The following ST7 variants were observed in gnomAD, a reference collection of about 807,000 sequenced individuals.
The protein encoded by ST7 is suppressor of tumorigenicity 7 protein.
ST7 carries 28 observed loss-of-function variants against 78.7 expected under a neutral mutation model. That is an observed-to-expected ratio of 0.36 (90% CI 0.26 to 0.49). The LOEUF is 0.49. Among genes scored for constraint, ST7 ranks in the 20% least tolerant of loss-of-function variants. The probability of loss-of-function intolerance (pLI) is 0.99; values close to 1 mark genes in which losing one functional copy is unlikely to be tolerated. For missense variants in ST7, 418 were observed against 696.0 expected (o/e 0.60, Z 4.49); for synonymous variants, 247 against 249.6 (o/e 0.99, Z 0.10).
chr7:117,128,714 T>G (rs560351570), intron 3 of ST7, among the ~76,000 whole-genome samples: 3 of 152,016 alleles, frequency 2.0e-5, no homozygotes, highest in Non-Finnish European at 2.9e-5. Context: ...ATTGATGGTT[T>G]ACTTATTTCC....
chr7:117,160,653 G>GTATATATATATA (rs1554443282), intron 9 of ST7, among the ~76,000 whole-genome samples: 8 of 147,620 alleles, frequency 5.4e-5, no homozygotes, highest in African/African-American at 2.0e-4. Flanking sequence ...GTGTGTGTGT[G>GTATATATATATA]TATATATATA....
intron 9 of ST7, among the ~76,000 whole-genome samples, chr7:117,161,476 T>A (rs1261654060): frequency 6.6e-6 from 1 of 151,906 alleles, no homozygotes; most frequent in African/African-American, 2.4e-5. Flanking sequence ...CTTCTTTTCT[T>A]ACAAGAAATA....
At chr7:117,136,584 G>T (rs1804808406) in intron 8 of ST7, 2 of 460,430 alleles carry the variant, frequency 4.3e-6, no homozygotes, top group Admixed American at 7.9e-5. Context: ...TGGGAAACAG[G>T]ATTTAAATTA....
chr7:117,090,646 C>T (rs563686515), intron 1 of ST7: 2 of 164,290 alleles, frequency 1.2e-5, no homozygotes, highest in African/African-American at 2.4e-5. Flanking sequence ...TTATGAGAAA[C>T]AGACAAACTT....
intron 2 of ST7, among the ~76,000 whole-genome samples, chr7:117,106,038 C>T: frequency 6.6e-6 from 1 of 151,852 alleles, no homozygotes; most frequent in Non-Finnish European, 1.5e-5. Flanking sequence ...GTCGCCCAGG[C>T]CAGACTGCGG....
chr7:117,059,327 C>T (rs1049489544), intron 1 of ST7, among the ~76,000 whole-genome samples: 13 of 152,004 alleles, frequency 8.6e-5, no homozygotes, highest in Non-Finnish European at 1.8e-4. Context: ...CTACTATGTA[C>T]CCACAAAAAT....
intron 9 of ST7, among the ~76,000 whole-genome samples, chr7:117,138,901 A>C (rs1218546533): frequency 6.6e-6 from 1 of 152,200 alleles, no homozygotes; most frequent in East Asian, 1.9e-4. Flanking sequence ...GCTGGAAGCC[A>C]ATAATGAGAC....
chr7:117,095,767 A>G (rs1800982650), intron 1 of ST7, among the ~76,000 whole-genome samples: 1 of 152,112 alleles, frequency 6.6e-6, no homozygotes, highest in African/African-American at 2.4e-5. Context: ...TGATGTGTCT[A>G]TAGAATATCA....
chr7:117,104,154 G>A (rs896309751), intron 2 of ST7, among the ~76,000 whole-genome samples: 9 of 152,024 alleles, frequency 5.9e-5, no homozygotes, highest in Non-Finnish European at 1.3e-4. Context: ...TAAGAAGAAA[G>A]GGTGTGGTAG....
intron 10 of ST7, among the ~76,000 whole-genome samples, chr7:117,186,672 C>T (rs1317001580): frequency 6.6e-6 from 1 of 152,148 alleles, no homozygotes; most frequent in Non-Finnish European, 1.5e-5. Flanking sequence ...CATAGAAATG[C>T]TTTTAAAAAT....
chr7:117,031,255 C>T (rs1432104912), intron 1 of ST7, among the ~76,000 whole-genome samples: 1 of 151,592 alleles, frequency 6.6e-6, no homozygotes, highest in Admixed American at 6.6e-5. Flanking sequence ...GGGTACTGCG[C>T]TTATTACTGA....
At chr7:117,104,348 C>G (rs1801794106) in intron 2 of ST7, among the ~76,000 whole-genome samples, 1 of 152,086 alleles carries the variant, frequency 6.6e-6, no homozygotes, top group African/African-American at 2.4e-5. Context: ...GCTGAGGCAG[C>G]AGAATCACTT....
At chr7:116,989,485 C>A (rs1794330664) in intron 1 of ST7, among the ~76,000 whole-genome samples, 1 of 151,868 alleles carries the variant, frequency 6.6e-6, no homozygotes, top group Admixed American at 6.6e-5. Context: ...TGTTCTTATT[C>A]CAAGGATATA....
In ST7 at chr7:117,219,146, A is replaced by G; in HGVS notation, c.1468A>G (p.Thr490Ala). 1 of 1,613,408 alleles carries G rather than the reference A, an allele frequency of 6.2e-7. No individual in the cohort carries two copies. The highest frequency in any genetic ancestry group is 8.5e-7 in the Non-Finnish European group (1 of 1,179,758). ...CCTATTTTATCCTTACCCAATCTGT[A>G]CAGAAACAGCAGACCGAGAGCTGCT... ...GHLFYPYPIC[T>A]ETADRELLPS... The change falls in exon 14 of 16, where the codon ACA becomes GCA. Residue 490 changes from threonine (T) to alanine (A), a missense_variant. This residue lies in a region of ST7 where 288 missense variants were observed against 537.1 expected (regional missense o/e 0.54). Transcript: ENST00000323984. The surrounding 1 kb of genome is among the most constrained non-coding windows in gnomAD (Gnocchi z 5.1).
intron 9 of ST7, among the ~76,000 whole-genome samples, chr7:117,161,323 A>G (rs1024673595): frequency 2.0e-5 from 3 of 152,188 alleles, no homozygotes; most frequent in African/African-American, 7.2e-5. Flanking sequence ...AAATGTATGC[A>G]GAATATTGTG....
At chr7:117,108,293 C>T (rs1802141072) in intron 2 of ST7, among the ~76,000 whole-genome samples, 1 of 152,134 alleles carries the variant, frequency 6.6e-6, no homozygotes, top group Non-Finnish European at 1.5e-5. Context: ...GATCTAGTTT[C>T]ATTCTTACTC....
intron 1 of ST7, among the ~76,000 whole-genome samples, chr7:116,998,189 G>A (rs1172927765): frequency 3.9e-5 from 6 of 152,210 alleles, no homozygotes; most frequent in African/African-American, 9.6e-5. Context: ...TAGCGCTGGC[G>A]GGCCGGCACT....
intron 13 of ST7, among the ~76,000 whole-genome samples, chr7:117,216,802 A>G (rs1792722943): frequency 6.6e-6 from 1 of 151,680 alleles, no homozygotes; most frequent in East Asian, 1.9e-4. Flanking sequence ...ATGGCAACTG[A>G]CATGAGAGAG....
intron 2 of ST7, among the ~76,000 whole-genome samples, chr7:117,111,769 A>T (rs1181301241): frequency 6.6e-6 from 1 of 152,230 alleles, no homozygotes; most frequent in Non-Finnish European, 1.5e-5. Flanking sequence ...CTGCCAAGTT[A>T]GTCTTATCTG....
Sources: gnomAD v4.1 joint callset for allele counts (sites outside exome capture counted in the v4.1 genomes callset) on GRCh38, gnomAD v4.1.1 for gene constraint, gnomAD v4.1.1 regional missense constraint, Gnocchi (gnomAD v3.1) non-coding constraint, MANE v1.5 for transcripts, NCBI Gene and HGNC (gene_info 2026-07-23, HGNC 2026-07-21) for gene names.